The following LAMA2 variants were observed in gnomAD, a reference collection of about 807,000 sequenced individuals.
LAMA2 encodes the protein laminin subunit alpha 2.
A neutral mutation model predicts 364.8 loss-of-function variants in LAMA2; 269 were observed. The observed-to-expected ratio is 0.74, with a 90% CI of 0.67 to 0.82. LAMA2 has a LOEUF of 0.82. Ranked by LOEUF, LAMA2 falls within the 40% of genes least tolerant of loss-of-function variation. The pLI is 0.00. For missense variants in LAMA2, 3,807 were observed against 3,873.2 expected, an observed-to-expected ratio of 0.98 and a Z score of 0.45; for synonymous variants, 1,379 against 1,370.6, an observed-to-expected ratio of 1.01 and a Z score of -0.14.
intron 40 of LAMA2, among the ~76,000 whole-genome samples, chr6:129,410,008 C>T (rs917046211): frequency 1.3e-5 from 2 of 152,166 alleles, no homozygotes; most frequent in African/African-American, 4.8e-5. Flanking sequence ...GCAATAAGCA[C>T]ACTCTCAGTG....
rs1257173122 is a variant in LAMA2 at position 129,177,857 on chromosome 6, T to C, written c.1458T>C (p.Cys486=). 4 of 1,613,742 alleles carry C rather than the reference T, an allele frequency of 2.5e-6. No individual in the cohort carries two copies. The highest frequency in any genetic ancestry group is 3.4e-6 in the Non-Finnish European group (4 of 1,179,846). ...ATGAGGATCCTTGTTTTGGCCCCTG[T>C]ATCTGCAAGGTACATTGTTTATTCC... is the stretch of plus-strand genomic sequence containing the variant. ...SKNEDPCFGP[C]ICKENVEGGD... The change falls in exon 10 of 65, where the codon TGT becomes TGC. Residue 486 remains cysteine, a synonymous_variant. Transcript: ENST00000421865.
At chr6:129,376,914 T>G (rs1778404847) in intron 34 of LAMA2, among the ~76,000 whole-genome samples, 1 of 152,198 alleles carries the variant, frequency 6.6e-6, no homozygotes, top group Admixed American at 6.5e-5. Flanking sequence ...TTTTTGTTTC[T>G]TACCACAGTA....
At chr6:129,354,508 A>C (rs1300261651) in intron 32 of LAMA2, among the ~76,000 whole-genome samples, 1 of 152,132 alleles carries the variant, frequency 6.6e-6, no homozygotes, top group Middle Eastern at 3.2e-3. Context: ...ATGATAATTA[A>C]AGAAGTAGAC....
chr6:129,300,347 G>C (rs777609314), intron 21 of LAMA2, among the ~76,000 whole-genome samples: 1 of 152,010 alleles, frequency 6.6e-6, no homozygotes, highest in Non-Finnish European at 1.5e-5. Context: ...AAACTAATCC[G>C]TACAGCATAA....
intron 1 of LAMA2, among the ~76,000 whole-genome samples, chr6:128,900,355 A>G (rs910381606): frequency 1.3e-5 from 2 of 152,190 alleles, no homozygotes; most frequent in South Asian, 2.1e-4. Context: ...ATCAGGGCCC[A>G]GGTCTGTTTT....
intron 13 of LAMA2, among the ~76,000 whole-genome samples, chr6:129,251,072 CTCTCTATATATATA>C (rs1207188819): frequency 3.4e-4 from 22 of 65,078 alleles, no homozygotes; most frequent in South Asian, 2.6e-3. Context: ...CTCTCTCTCT[CTCTCTATATATATA>C]TATATATATA....
In LAMA2 at chr6:129,427,732, A is replaced by G. The variant is rs372028707; in HGVS notation, c.5866-20A>G. 9.7e-5 allele frequency: 150 copies of G among 1,554,078 alleles called. No individual in the cohort carries two copies. The African/African-American group carries it at 1.8e-3, about 19-fold the overall frequency. ...TATTCTATGGTTTTAGATGTATGAC[A>G]TTTGTTTTTCTGTCCACAGGCAACA... On this transcript the variant is annotated intron_variant, in intron 40 of 64. Coordinates refer to ENST00000421865, the MANE Select transcript of LAMA2 (RefSeq NM_000426.4).
At chr6:128,963,483 T>G (rs979994669) in intron 1 of LAMA2, among the ~76,000 whole-genome samples, 8 of 152,068 alleles carry the variant, frequency 5.3e-5, no homozygotes, top group African/African-American at 1.7e-4. Context: ...TCTGGCTATC[T>G]TTAGGCCCTA....
intron 1 of LAMA2, among the ~76,000 whole-genome samples, chr6:129,027,315 T>A (rs1411426374): frequency 6.6e-6 from 1 of 152,066 alleles, no homozygotes; most frequent in Non-Finnish European, 1.5e-5. Context: ...CCATATGTAA[T>A]AGCTTGTCCA....
chr6:128,950,551 G>C (rs1321357236), intron 1 of LAMA2, among the ~76,000 whole-genome samples: 2 of 152,094 alleles, frequency 1.3e-5, no homozygotes, highest in Non-Finnish European at 2.9e-5. Context: ...GTCAGTGACA[G>C]ATAAAGAGTC....
chr6:129,287,584 G>A (rs1789363984), intron 18 of LAMA2, among the ~76,000 whole-genome samples: 2 of 152,142 alleles, frequency 1.3e-5, no homozygotes, highest in South Asian at 4.1e-4. Context: ...TTCTTATTAT[G>A]CTTTGGTCTC....
At chr6:129,488,507 C>G (rs1784707785) in intron 56 of LAMA2, among the ~76,000 whole-genome samples, 2 of 152,124 alleles carry the variant, frequency 1.3e-5, no homozygotes, top group South Asian at 2.1e-4. Flanking sequence ...TCAAGAAGGG[C>G]ATTTTATTAT....
At position 129,314,683 on chromosome 6, in the gene LAMA2, G is replaced by T. The variant is rs1458498688; in HGVS notation, c.3440G>T (p.Arg1147Ile). 1 of 1,613,756 alleles carries T rather than the reference G, an allele frequency of 6.2e-7. No individual in the cohort carries two copies. The highest frequency in any genetic ancestry group is 1.7e-5 in the Admixed American group (1 of 60,032). ...KVNVEGIHCDRCRPGKFGLDA... is the reference protein window; with the variant it reads ...KVNVEGIHCDICRPGKFGLDA... Reference sequence around the variant, plus strand: ...AATGTGGAAGGCATCCACTGTGACAGATGCCGGCCTGGCAAATTCGGACTC... The same window carrying T: ...AATGTGGAAGGCATCCACTGTGACATATGCCGGCCTGGCAAATTCGGACTC... The change falls in exon 24 of 65, where the codon AGA (arginine) becomes ATA (isoleucine). Residue 1147 changes from arginine (R) to isoleucine (I), a missense_variant. Arg to Ile is a moderately conservative substitution (Grantham distance 97, BLOSUM62 -3). Coordinates refer to ENST00000421865, the MANE Select transcript of LAMA2 (RefSeq NM_000426.4).
intron 1 of LAMA2, among the ~76,000 whole-genome samples, chr6:128,906,630 T>C (rs1194196689): frequency 6.6e-6 from 1 of 152,038 alleles, no homozygotes; most frequent in East Asian, 1.9e-4. Context: ...ACAGAAGCTC[T>C]TTAGTTTAAT....
At chr6:129,439,836 ATATATATATATATC>A (rs1782013320) in intron 42 of LAMA2, among the ~76,000 whole-genome samples, 1 of 140,404 alleles carries the variant, frequency 7.1e-6, no homozygotes, top group African/African-American at 3.0e-5. Flanking sequence ...ATATATATAT[ATATATATATATATC>A]TATCTCAATT....
intron 6 of LAMA2, 51 bp downstream of exon 6, chr6:129,147,099 A>G: frequency 8.7e-7 from 1 of 1,145,026 alleles, no homozygotes; most frequent in Non-Finnish European, 1.3e-6. Context: ...GAGCTGTAAA[A>G]TGTTTCATGA....
chr6:129,105,947 C>T (rs1477200417), intron 4 of LAMA2, among the ~76,000 whole-genome samples: 5 of 152,116 alleles, frequency 3.3e-5, no homozygotes, highest in Middle Eastern at 3.2e-3. Context: ...GCTAAATATT[C>T]GTGGTTACCA....
intron 1 of LAMA2, among the ~76,000 whole-genome samples, chr6:129,020,047 C>T (rs1785328632): frequency 6.7e-6 from 1 of 149,290 alleles, no homozygotes; most frequent in Non-Finnish European, 1.5e-5. Context: ...GATCGCACCA[C>T]TGCACTCCAG....
rs1214826895 is a variant in LAMA2 at position 128,962,185 on chromosome 6, T to TATATATATATATATATAC, written c.112+78829_112+78830insTATATATATATATATACA. 7.0e-4 allele frequency among the ~76,000 whole-genome samples: 73 copies of TATATATATATATATATAC among 103,922 alleles called. 6 individuals carry two copies. The highest frequency in any genetic ancestry group is 1.1e-3 in the Non-Finnish European group (53 of 50,024). 68.2% of individuals were successfully genotyped at this position (103,922 alleles called of 152,430 possible). ...ATATATATATATATATATATATATA[T>TATATATATATATATATAC]ACACACATACACACACACATACACA... On this transcript the variant is annotated intron_variant, in intron 1 of 64. Transcript: ENST00000421865.
Sources: allele counts gnomAD v4.1 joint callset (sites outside exome capture counted in the v4.1 genomes callset), GRCh38; gene constraint gnomAD v4.1.1; transcripts MANE v1.5; gene names NCBI Gene and HGNC (gene_info 2026-07-23, HGNC 2026-07-21).